PXDN: variants seen among roughly 807,000 people sequenced by gnomAD.
PXDN encodes peroxidasin, also known as peroxidasin homolog.
Under a neutral mutation model 140.3 loss-of-function variants are expected in PXDN, and 77 were observed. The ratio of observed to expected loss-of-function variants is 0.55; its 90% CI spans 0.46 to 0.66. PXDN has a LOEUF of 0.66. PXDN is among the 30% of genes least tolerant of loss of function. The pLI is 0.00. For missense variants in PXDN, 1,838 were observed against 2,039.5 expected, an observed-to-expected ratio of 0.90 and a Z score of 1.90; for synonymous variants, 911 against 857.4, an observed-to-expected ratio of 1.06 and a Z score of -1.09.
chr2:1,690,940 GT>G (rs1339681671), intron 3 of PXDN, among the ~76,000 whole-genome samples: 2 of 152,128 alleles, frequency 1.3e-5, no homozygotes, highest in Non-Finnish European at 2.9e-5. Context: ...AGACGACTTT[GT>G]TTTAAAAATC....
rs1329328626 is a variant in PXDN, at chr2:1,633,692, A to T, written c.*512T>A. On this transcript the variant is annotated 3_prime_UTR_variant, in exon 23 of 23. Coordinates refer to ENST00000252804, the MANE Select transcript of PXDN (RefSeq NM_012293.3). ...AAAGGTTCTGTTCCGTTTGCCAAAC[A>T]CCAATTTTCTTTTTAAACATAGCTT... 1 of 151,874 alleles carries T rather than the reference A, an allele frequency of 6.6e-6. No individual in the cohort carries two copies. The highest frequency in any genetic ancestry group is 1.9e-4 in the East Asian group (1 of 5,138). The allele number at this position is 151,874 out of a possible 1,614,324, so 9.4% of individuals were successfully genotyped here.
rs1417021510 is a variant in PXDN at position 1,639,259 on chromosome 2, G to C, written c.4073+43C>G. 3 of 1,588,112 alleles carry C rather than the reference G, an allele frequency of 1.9e-6. No individual in the cohort carries two copies. Among genetic ancestry groups the C allele is most frequent in the Admixed American group, 1.8e-5 (1 of 55,354 alleles). ...TCCTACTGCCCGACGCCCGCGGTGC[G>C]AGGGCCCCTCTGCACATCATTTGAC... On this transcript the variant is annotated intron_variant, in intron 20 of 22. Transcript: ENST00000252804. The surrounding 1 kb of genome is among the most constrained non-coding windows in gnomAD (Gnocchi z 5.0).
intron 14 of PXDN, among the ~76,000 whole-genome samples, chr2:1,657,798 TGGAACCTGTCCCCACCTGACAG>T (rs944694414): frequency 1.5e-5 from 2 of 131,386 alleles, no homozygotes; most frequent in African/African-American, 6.7e-5. Context: ...CCCTGTTGTC[TGGAACCTGTCCCCACCTGACAG>T]GCACTTGCAC....
At chr2:1,705,207 T>A (rs930985293) in intron 1 of PXDN, among the ~76,000 whole-genome samples, 3 of 152,048 alleles carry the variant, frequency 2.0e-5, no homozygotes, top group Non-Finnish European at 4.4e-5. Context: ...CCAGGGGCCC[T>A]GGGCCTCCCC....
chr2:1,743,763 G>T (rs1209590854), intron 1 of PXDN, among the ~76,000 whole-genome samples: 3 of 130,824 alleles, frequency 2.3e-5, no homozygotes, highest in African/African-American at 8.5e-5. Context: ...ACAGGACGAG[G>T]AACGGGGCGG....
intron 1 of PXDN, among the ~76,000 whole-genome samples, chr2:1,706,233 T>C (rs1049250397): frequency 6.6e-6 from 1 of 152,214 alleles, no homozygotes; most frequent in Non-Finnish European, 1.5e-5. Flanking sequence ...TAAAGATCTA[T>C]CTGGGAGGGT....
intron 1 of PXDN, among the ~76,000 whole-genome samples, chr2:1,699,165 T>C (rs1369355601): frequency 6.6e-6 from 1 of 152,180 alleles, no homozygotes; most frequent in Non-Finnish European, 1.5e-5. Flanking sequence ...GAGATCCAAG[T>C]TTTAATCTAA....
At chr2:1,706,281 G>A (rs1272238610) in intron 1 of PXDN, among the ~76,000 whole-genome samples, 1 of 152,146 alleles carries the variant, frequency 6.6e-6, no homozygotes, top group Non-Finnish European at 1.5e-5. Flanking sequence ...GGTATTCACT[G>A]GGTCACAGTC....
In PXDN at chr2:1,676,985, A is replaced by T; in HGVS notation, c.790T>A (p.Tyr264Asn). 6.2e-7 allele frequency: 1 copy of T among 1,613,162 alleles called. No individual in the cohort carries two copies. The highest frequency in any genetic ancestry group is 8.5e-7 in the Non-Finnish European group (1 of 1,179,630). ...TTGCCTTCGGCTCTGCAGGTGAAGTACACGGTGTTCCCCGAGGTCACATCT... is the reference window on the plus strand; with the variant it reads ...TTGCCTTCGGCTCTGCAGGTGAAGTTCACGGTGTTCCCCGAGGTCACATCT... ...DADVTSGNTV[Y>N]FTCRAEGNPK... The change falls in exon 8 of 23, where the codon TAC (tyrosine) becomes AAC (asparagine). Residue 264 changes from tyrosine to asparagine, a missense_variant. Transcript: ENST00000252804.
At chr2:1,696,541 T>C (rs1334599690) in intron 1 of PXDN, among the ~76,000 whole-genome samples, 2 of 152,222 alleles carry the variant, frequency 1.3e-5, no homozygotes, top group Non-Finnish European at 2.9e-5. Flanking sequence ...TATTGAATAC[T>C]GCAGAGGGGA....
rs749482532 is a variant in PXDN, at chr2:1,654,528, C to T, written c.1838-20G>A. Reference sequence around the variant, plus strand: ...CAGGAACTAGGAAAATACAAAGTCGCGTATTACCAGGAAAAATACTGCACA... The same window carrying T: ...CAGGAACTAGGAAAATACAAAGTCGTGTATTACCAGGAAAAATACTGCACA... On this transcript the variant is annotated intron_variant, in intron 14 of 22. Transcript: ENST00000252804. 1.4e-5 allele frequency: 22 copies of T among 1,548,198 alleles called. No homozygotes were observed. In the Admixed American group the frequency reaches 2.7e-4, roughly 19 times the overall value.
rs535969213 is a variant in PXDN at position 1,712,882 on chromosome 2, G to C, written c.201-19748C>G. ...TGGGATTACAGGCATCCGCCACCAG[G>C]CCTGGCTGATTTTTTGTATTTTTAG... On this transcript the variant is annotated intron_variant, in intron 1 of 22. Coordinates refer to ENST00000252804, the MANE Select transcript of PXDN (RefSeq NM_012293.3). Among the ~76,000 whole-genome samples, 49 of 152,160 alleles carry C rather than the reference G, an allele frequency of 3.2e-4. 2 individuals carry two copies. In the East Asian group the frequency reaches 9.3e-3, roughly 29 times the overall value.
chr2:1,736,240 T>G (rs1685422493), intron 1 of PXDN, among the ~76,000 whole-genome samples: 1 of 152,226 alleles, frequency 6.6e-6, no homozygotes, highest in Non-Finnish European at 1.5e-5. Flanking sequence ...TCTCAGCTTT[T>G]GACATGCCTT....
At chr2:1,730,083 C>T (rs1377639649) in intron 1 of PXDN, among the ~76,000 whole-genome samples, 1 of 152,214 alleles carries the variant, frequency 6.6e-6, no homozygotes, top group Admixed American at 6.5e-5. Flanking sequence ...ACTACACACG[C>T]CTGAATGCTT....
At chr2:1,658,531 C>T (rs2125420726) in intron 14 of PXDN, among the ~76,000 whole-genome samples, 1 of 152,138 alleles carries the variant, frequency 6.6e-6, no homozygotes, top group East Asian at 1.9e-4. Context: ...GGTGCAGGCA[C>T]TCCTTCTCCC....
chr2:1,640,926 C>G (rs1682711866), intron 19 of PXDN, among the ~76,000 whole-genome samples: 1 of 152,168 alleles, frequency 6.6e-6, no homozygotes, highest in African/African-American at 2.4e-5. Flanking sequence ...GATGGGACCT[C>G]CGTCCCTCCA....
chr2:1,705,998 G>A (rs1684596517), intron 1 of PXDN, among the ~76,000 whole-genome samples: 1 of 97,082 alleles, frequency 1.0e-5, no homozygotes, highest in Admixed American at 8.5e-5. Flanking sequence ...ATGTGGCTTG[G>A]ACACCGTCAA....
rs937316550 is a variant in PXDN at position 1,714,967 on chromosome 2, T to C, written c.201-21833A>G. Reference sequence around the variant, plus strand: ...GGAGCATCAGGTTTTAGGCGACATATGAACACGCCACCCATTAATACAAAG... The same window carrying C: ...GGAGCATCAGGTTTTAGGCGACATACGAACACGCCACCCATTAATACAAAG... On this transcript the variant is annotated intron_variant, in intron 1 of 22. Coordinates refer to ENST00000252804, the MANE Select transcript of PXDN (RefSeq NM_012293.3). The surrounding 1 kb of genome is among the most constrained non-coding windows in gnomAD (Gnocchi z 4.3). Among the ~76,000 whole-genome samples, 52 of 152,238 alleles carry C rather than the reference T, an allele frequency of 3.4e-4. No individual in the cohort carries two copies. The highest frequency in any genetic ancestry group is 1.2e-3 in the African/African-American group (51 of 41,550).
intron 9 of PXDN, among the ~76,000 whole-genome samples, chr2:1,670,480 A>G (rs1683548243): frequency 6.6e-6 from 1 of 152,244 alleles, no homozygotes; most frequent in African/African-American, 2.4e-5. Flanking sequence ...GCGGATGACG[A>G]AAAGAGCCAG....
Sources: allele counts gnomAD v4.1 joint callset (sites outside exome capture counted in the v4.1 genomes callset), GRCh38; gene constraint gnomAD v4.1.1; non-coding constraint Gnocchi (gnomAD v3.1); transcripts MANE v1.5; gene names NCBI Gene and HGNC (gene_info 2026-07-23, HGNC 2026-07-21).